The following OCA2 variants were observed in gnomAD, a reference collection of about 807,000 sequenced individuals.
OCA2 encodes the protein P protein.
A neutral mutation model predicts 100.2 loss-of-function variants in OCA2; 77 were observed. That is an observed-to-expected ratio of 0.77 (90% CI 0.64 to 0.93). The LOEUF is 0.93. Ranked by LOEUF, OCA2 falls within the 40% of genes least tolerant of loss-of-function variation. OCA2 has a pLI of 0.00. For synonymous variants in OCA2, 432 were observed against 439.2 expected, an observed-to-expected ratio of 0.98 and a Z score of 0.21; for missense variants, 1,062 against 1,089.1, an observed-to-expected ratio of 0.98 and a Z score of 0.35.
chr15:27,762,248 C>A (rs2030898574), intron 23 of OCA2, among the ~76,000 whole-genome samples: 2 of 152,112 alleles, frequency 1.3e-5, no homozygotes, highest in East Asian at 3.9e-4. Context: ...CCATGTGAGA[C>A]AGAGTAGACA....
chr15:27,982,427 C>T (rs1202891681), intron 14 of OCA2, among the ~76,000 whole-genome samples: 1 of 152,180 alleles, frequency 6.6e-6, no homozygotes, highest in Non-Finnish European at 1.5e-5. Context: ...CTGTTACCAC[C>T]TGACATGCTC....
chr15:28,072,210 A>G (rs2044282167), intron 2 of OCA2, among the ~76,000 whole-genome samples: 1 of 151,720 alleles, frequency 6.6e-6, no homozygotes, highest in East Asian at 1.9e-4. Flanking sequence ...TACTAAAAAT[A>G]CAAAAAAATT....
intron 23 of OCA2, among the ~76,000 whole-genome samples, chr15:27,827,248 C>T (rs74005241): frequency 0.092 from 14,042 of 152,100 alleles, 1,057 homozygotes; most frequent in African/African-American, 0.21. Flanking sequence ...AGTCACACAA[C>T]GCGAGAGGGG....
intron 21 of OCA2, among the ~76,000 whole-genome samples, chr15:27,863,274 G>A (rs554440518): frequency 7.2e-5 from 11 of 152,260 alleles, no homozygotes; most frequent in African/African-American, 2.4e-4. Flanking sequence ...CAGCAGTTCC[G>A]GGCGGATCCC....
intron 2 of OCA2, among the ~76,000 whole-genome samples, chr15:28,040,259 T>C (rs1431114016): frequency 2.0e-5 from 3 of 152,198 alleles, no homozygotes; most frequent in African/African-American, 7.2e-5. Context: ...CCACACAGTC[T>C]GGCATTTTGT....
chr15:27,947,395 C>T lies in OCA2; in HGVS notation c.1951+4389G>A, dbSNP rs148760501. On this transcript the variant is annotated intron_variant, in intron 18 of 23. Transcript: ENST00000354638. ...TGCACATTGGGAGCCACCTCTTTAC[C>T]GGATGGGTGTGAACTGTGACCCTGG... 1.6e-3 allele frequency among the ~76,000 whole-genome samples: 244 copies of T among 152,300 alleles called. 1 individual carries two copies. Among genetic ancestry groups the T allele is most frequent in the African/African-American group, 5.1e-3 (210 of 41,578 alleles).
At chr15:27,965,921 C>T (rs1338934241) in intron 15 of OCA2, among the ~76,000 whole-genome samples, 4 of 152,180 alleles carry the variant, frequency 2.6e-5, no homozygotes, top group Non-Finnish European at 4.4e-5. Context: ...TGGCCCTAAG[C>T]CCTCATCCTG....
At chr15:27,790,157 T>C (rs1212362062) in intron 23 of OCA2, among the ~76,000 whole-genome samples, 1 of 152,198 alleles carries the variant, frequency 6.6e-6, no homozygotes, top group Non-Finnish European at 1.5e-5. Context: ...CATAAATACA[T>C]GTTCAACATC....
chr15:28,036,901 A>G (rs1443489952), intron 2 of OCA2, among the ~76,000 whole-genome samples: 1 of 152,168 alleles, frequency 6.6e-6, no homozygotes, highest in African/African-American at 2.4e-5. Flanking sequence ...GGCACCATTT[A>G]TGCAGCCATT....
chr15:27,879,568 T>A (rs2036929874), intron 19 of OCA2, among the ~76,000 whole-genome samples: 1 of 152,182 alleles, frequency 6.6e-6, no homozygotes, highest in South Asian at 2.1e-4. Flanking sequence ...TGTGATCTCA[T>A]TGTGGTTTTG....
chr15:27,734,588 G>C, the OCA2 span, among the ~76,000 whole-genome samples: 1 of 152,200 alleles, frequency 6.6e-6, no homozygotes, highest in Non-Finnish European at 1.5e-5. Flanking sequence ...TTCCAGACCT[G>C]TCCAGGTGTG....
intron 21 of OCA2, among the ~76,000 whole-genome samples, chr15:27,870,794 AAG>A (rs1228890987): frequency 1.8e-4 from 6 of 33,484 alleles, no homozygotes; most frequent in East Asian, 0.02. Context: ...AAGAAAAAGA[AAG>A]AAAGAAAGAA....
Position 27,801,418 on chromosome 15 carries a change from G to A in OCA2, c.2432+43541C>T, listed in dbSNP as rs182534521. Reference sequence around the variant, plus strand: ...AATACAAAAATTAGCTGAGTGTGGCGGCACACGCCTATAGTCCCAGCTACT... The same window carrying A: ...AATACAAAAATTAGCTGAGTGTGGCAGCACACGCCTATAGTCCCAGCTACT... On this transcript the variant is annotated intron_variant, in intron 23 of 23. Transcript: ENST00000354638. Among the ~76,000 whole-genome samples, 30 of 151,952 alleles carry A rather than the reference G, an allele frequency of 2.0e-4. No individual in the cohort carries two copies. The East Asian group carries it at 3.3e-3, about 17-fold the overall frequency.
chr15:27,722,672 T>TTTC, the OCA2 span, among the ~76,000 whole-genome samples: 1 of 150,344 alleles, frequency 6.7e-6, no homozygotes, highest in African/African-American at 2.5e-5. Context: ...CTTTCCTTTC[T>TTTC]TTTCTTTCTT....
At chr15:27,800,762 C>T (rs1223530686) in intron 23 of OCA2, among the ~76,000 whole-genome samples, 1 of 147,386 alleles carries the variant, frequency 6.8e-6, no homozygotes, top group Non-Finnish European at 1.5e-5. Context: ...CCCAAGAGTT[C>T]AAGACCAGCC....
chr15:28,061,240 C>T (rs887697161), intron 2 of OCA2, among the ~76,000 whole-genome samples: 2 of 152,124 alleles, frequency 1.3e-5, no homozygotes, highest in African/African-American at 4.8e-5. Context: ...AAAGCCGACC[C>T]CAACATGCAC....
chr15:27,981,764 G>A (rs2041169657), intron 14 of OCA2, among the ~76,000 whole-genome samples: 1 of 152,096 alleles, frequency 6.6e-6, no homozygotes, highest in African/African-American at 2.4e-5. Flanking sequence ...ACACTCTGCT[G>A]AACACTCCAA....
intron 12 of OCA2, 87 bp downstream of exon 12, chr15:27,986,500 A>G (rs2041355876): frequency 3.2e-6 from 3 of 934,908 alleles, no homozygotes; most frequent in Admixed American, 4.0e-5. Flanking sequence ...GTTTGTTTTA[A>G]ATGTTTGTTT....
At chr15:28,060,229 A>G (rs537975210) in intron 2 of OCA2, among the ~76,000 whole-genome samples, 1 of 152,352 alleles carries the variant, frequency 6.6e-6, no homozygotes, top group East Asian at 1.9e-4. Context: ...AATCAGTCTC[A>G]GACCACCTCA....
Sources: gnomAD v4.1 joint callset for allele counts (sites outside exome capture counted in the v4.1 genomes callset) on GRCh38, gnomAD v4.1.1 for gene constraint, MANE v1.5 for transcripts, NCBI Gene and HGNC (gene_info 2026-07-23, HGNC 2026-07-21) for gene names.